NCAM2: variants seen among roughly 807,000 people sequenced by gnomAD.
NCAM2 encodes N-CAM-2.
Under a neutral mutation model 98.1 loss-of-function variants are expected in NCAM2, and 30 were observed. The ratio of observed to expected loss-of-function variants is 0.31; its 90% CI spans 0.23 to 0.41. The LOEUF (loss-of-function observed/expected upper bound fraction) is 0.41. NCAM2 is among the 10% of genes least tolerant of loss of function. The probability of loss-of-function intolerance (pLI) is 1.00; values close to 1 mark genes in which losing one functional copy is unlikely to be tolerated. For missense variants in NCAM2, 867 were observed against 1,005.8 expected (o/e 0.86, Z 1.87); for synonymous variants, 368 against 342.4 (o/e 1.07, Z -0.83).
intron 1 of NCAM2, among the ~76,000 whole-genome samples, chr21:21,011,029 A>C (rs1328405815): frequency 6.6e-6 from 1 of 152,064 alleles, no homozygotes; most frequent in Non-Finnish European, 1.5e-5. Flanking sequence ...ACAGGGGAGA[A>C]AAAGATACCC....
chr21:21,408,443 T>G (rs1479296994), intron 9 of NCAM2, among the ~76,000 whole-genome samples: 1 of 152,186 alleles, frequency 6.6e-6, no homozygotes, highest in Non-Finnish European at 1.5e-5. Flanking sequence ...TTTATAATAT[T>G]TATAATTATT....
intron 6 of NCAM2, among the ~76,000 whole-genome samples, chr21:21,331,555 TATACTCTATATAC>T (rs1171213665): frequency 8.2e-4 from 8 of 9,722 alleles, no homozygotes; most frequent in Non-Finnish European, 1.1e-3. Context: ...CATATATATA[TATACTCTATATAC>T]ATATATATAT....
chr21:21,477,958 A>G (rs993460457), intron 15 of NCAM2, among the ~76,000 whole-genome samples: 2 of 152,132 alleles, frequency 1.3e-5, no homozygotes, highest in African/African-American at 4.8e-5. Flanking sequence ...TTCCATAAAG[A>G]CCTATACCTA....
At chr21:21,026,133 T>G (rs1428014799) in intron 1 of NCAM2, among the ~76,000 whole-genome samples, 1 of 151,958 alleles carries the variant, frequency 6.6e-6, no homozygotes, top group Non-Finnish European at 1.5e-5. Context: ...ATGATGGTGG[T>G]GAAGAGAGAA....
intron 8 of NCAM2, among the ~76,000 whole-genome samples, chr21:21,339,425 A>G (rs962850238): frequency 6.6e-6 from 1 of 152,030 alleles, no homozygotes; most frequent in African/African-American, 2.4e-5. Context: ...ATATTTCACA[A>G]CTTTTCATAT....
chr21:21,296,754 C>G (rs565464423), intron 5 of NCAM2, among the ~76,000 whole-genome samples: 112 of 151,802 alleles, frequency 7.4e-4, no homozygotes, highest in African/African-American at 2.6e-3. Flanking sequence ...AACTAGATTT[C>G]AAAGCAAAAT....
intron 9 of NCAM2, among the ~76,000 whole-genome samples, chr21:21,397,570 A>G (rs995877438): frequency 2.0e-5 from 3 of 152,180 alleles, no homozygotes; most frequent in Non-Finnish European, 4.4e-5. Context: ...CTTTGCTCCA[A>G]AATCGGAGCA....
intron 1 of NCAM2, among the ~76,000 whole-genome samples, chr21:21,052,345 A>G (rs1440447267): frequency 6.6e-6 from 1 of 151,780 alleles, no homozygotes; most frequent in Non-Finnish European, 1.5e-5. Flanking sequence ...TTGTGTTTTT[A>G]ATAGAGATGG....
intron 8 of NCAM2, among the ~76,000 whole-genome samples, chr21:21,371,426 C>T (rs2148039962): frequency 6.6e-6 from 1 of 151,814 alleles, no homozygotes; most frequent in East Asian, 1.9e-4. Context: ...TAGAAGGCAT[C>T]CACAATGGGG....
At chr21:21,530,506 A>G (rs1989631674) in intron 16 of NCAM2, among the ~76,000 whole-genome samples, 1 of 150,732 alleles carries the variant, frequency 6.6e-6, no homozygotes, top group Non-Finnish European at 1.5e-5. Flanking sequence ...CCTTCCCAAT[A>G]ATTTTCCATG....
intron 15 of NCAM2, among the ~76,000 whole-genome samples, chr21:21,495,864 T>G (rs1987190690): frequency 6.6e-6 from 1 of 151,708 alleles, no homozygotes; most frequent in Non-Finnish European, 1.5e-5. Flanking sequence ...TTTATATGCT[T>G]CTCCCTCCTA....
rs147448066 is a variant in NCAM2 at position 21,200,337 on chromosome 21, C to T, written c.56-80241C>T. On this transcript the variant is annotated intron_variant, in intron 1 of 17. Coordinates refer to ENST00000400546, the MANE Select transcript of NCAM2 (RefSeq NM_004540.5). Reference sequence around the variant, plus strand: ...ACGCTGCGTGAGGGTTCTCAGAAGTCGCATGACTCATATAGTCCGTCAACT... The same window carrying T: ...ACGCTGCGTGAGGGTTCTCAGAAGTTGCATGACTCATATAGTCCGTCAACT... Among the ~76,000 whole-genome samples, 53 of 150,164 alleles carry T rather than the reference C, an allele frequency of 3.5e-4. 1 individual carries two copies. The highest frequency in any genetic ancestry group is 2.0e-3 in the East Asian group (10 of 5,086).
intron 1 of NCAM2, among the ~76,000 whole-genome samples, chr21:21,138,897 C>T (rs2067114070): frequency 6.6e-6 from 1 of 151,984 alleles, no homozygotes; most frequent in African/African-American, 2.4e-5. Flanking sequence ...AATTTTTTGT[C>T]ATACATATTC....
At chr21:21,070,653 C>T (rs144639871) in intron 1 of NCAM2, among the ~76,000 whole-genome samples, 1 of 152,240 alleles carries the variant, frequency 6.6e-6, no homozygotes, top group African/African-American at 2.4e-5. Context: ...GTAAAGAAGT[C>T]ATTGACTACT....
intron 1 of NCAM2, among the ~76,000 whole-genome samples, chr21:21,252,253 G>T (rs907043520): frequency 7.3e-6 from 1 of 136,936 alleles, no homozygotes; most frequent in East Asian, 2.2e-4. Context: ...CTCTTGATGG[G>T]AGTGTAAATT....
chr21:21,520,224 C>A (rs903297405), intron 16 of NCAM2, among the ~76,000 whole-genome samples: 2 of 152,054 alleles, frequency 1.3e-5, no homozygotes, highest in Non-Finnish European at 2.9e-5. Flanking sequence ...AAAAAGCAGA[C>A]TCATTCCTTT....
At chr21:21,310,263 G>A (rs1041376384) in intron 5 of NCAM2, among the ~76,000 whole-genome samples, 1 of 151,956 alleles carries the variant, frequency 6.6e-6, no homozygotes, top group Non-Finnish European at 1.5e-5. Context: ...TTAACAGCAG[G>A]GTATCACAAT....
At chr21:21,096,365 G>T (rs2066123518) in intron 1 of NCAM2, among the ~76,000 whole-genome samples, 1 of 147,264 alleles carries the variant, frequency 6.8e-6, no homozygotes. Context: ...TGTTAAAGTG[G>T]CAGTGCAAAT....
chr21:21,197,154 G>A (rs536288249), intron 1 of NCAM2, among the ~76,000 whole-genome samples: 1 of 152,142 alleles, frequency 6.6e-6, no homozygotes, highest in Non-Finnish European at 1.5e-5. Context: ...TTTTGAGACA[G>A]AGTCTCACTC....
Sources: allele counts gnomAD v4.1 joint callset (sites outside exome capture counted in the v4.1 genomes callset), GRCh38; gene constraint gnomAD v4.1.1; transcripts MANE v1.5; gene names NCBI Gene and HGNC (gene_info 2026-07-23, HGNC 2026-07-21).